Variants in CPNE4 observed in about 807,000 individuals in gnomAD.
The protein encoded by CPNE4 is copine-4.
CPNE4 carries 25 observed loss-of-function variants against 67.9 expected under a neutral mutation model. The observed-to-expected ratio is 0.37, with a 90% CI of 0.27 to 0.51. The LOEUF (loss-of-function observed/expected upper bound fraction) is 0.51. CPNE4 is among the 20% of genes least tolerant of loss of function. CPNE4 has a pLI of 0.93. For missense variants in CPNE4, 464 were observed against 690.8 expected, an observed-to-expected ratio of 0.67 and a Z score of 3.68; for synonymous variants, 242 against 244.9, an observed-to-expected ratio of 0.99 and a Z score of 0.11.
intron 7 of CPNE4, among the ~76,000 whole-genome samples, chr3:131,666,126 C>T (rs1206249882): frequency 6.6e-6 from 1 of 151,846 alleles, no homozygotes; most frequent in African/African-American, 2.4e-5. Context: ...AAATATGCTA[C>T]AAAACGTAGC....
intron 2 of CPNE4, among the ~76,000 whole-genome samples, chr3:131,792,731 ACG>A (rs2083798123): frequency 7.7e-6 from 1 of 130,350 alleles, no homozygotes; most frequent in Non-Finnish European, 1.7e-5. Flanking sequence ...ATATATATAC[ACG>A]TGTGTATATA....
intron 15 of CPNE4, among the ~76,000 whole-genome samples, chr3:131,535,985 T>C (rs1935122298): frequency 6.6e-6 from 1 of 152,168 alleles, no homozygotes; most frequent in Non-Finnish European, 1.5e-5. Flanking sequence ...GAGGTGGCTT[T>C]TAAGCTGAGC....
chr3:131,911,665 T>C (rs558834640), intron 1 of CPNE4, among the ~76,000 whole-genome samples: 1 of 151,878 alleles, frequency 6.6e-6, no homozygotes, highest in African/African-American at 2.4e-5. Context: ...ATTTCTGGTC[T>C]GGTGATGAAG....
chr3:131,552,336 T>C (rs994967), intron 13 of CPNE4, 104 bp downstream of exon 13: 219,718 of 931,408 alleles, frequency 0.24, 33,027 homozygotes, highest in African/African-American at 0.68. Flanking sequence ...AGAGATTCTG[T>C]GGACAATCGT....
Position 131,564,270 on chromosome 3 carries a change from T to C in CPNE4, c.1007A>G (p.Asn336Ser), listed in dbSNP as rs1191435764. The C allele has an allele frequency of 1.9e-6, 3 of 1,612,936 alleles. No individual in the cohort carries two copies. Among genetic ancestry groups the C allele is most frequent in the South Asian group, 1.1e-5 (1 of 91,062 alleles). Residue 336 changes from asparagine (N) to serine (S), a missense_variant, in exon 11 of 16, where the codon AAT becomes AGT. This residue lies in a region of CPNE4 where 201 missense variants were observed against 357.7 expected (regional missense o/e 0.56). Transcript: ENST00000429747. Reference protein sequence around the residue: ...SLHYIHPYQPNEYLKALVAVG... With the variant: ...SLHYIHPYQPSEYLKALVAVG... The stretch of plus-strand genomic sequence containing the variant: ...AGCTACCAAAGCTTTCAGATACTCA[T>C]TGGGTTGGTAAGGGTGGATGTAGTG...
chr3:131,682,742 C>A (rs1464191631), intron 6 of CPNE4, among the ~76,000 whole-genome samples: 1 of 152,038 alleles, frequency 6.6e-6, no homozygotes, highest in African/African-American at 2.4e-5. Context: ...CCTCCCAGTC[C>A]CAGGCAGGTC....
intron 1 of CPNE4, among the ~76,000 whole-genome samples, chr3:131,988,822 C>G (rs1384885744): frequency 1.3e-5 from 2 of 152,086 alleles, no homozygotes; most frequent in Non-Finnish European, 2.9e-5. Flanking sequence ...ACCTCTTTTT[C>G]CATGGTCAGC....
chr3:132,006,577 T>C (rs2369357), intron 1 of CPNE4, among the ~76,000 whole-genome samples: 127,661 of 151,940 alleles, frequency 0.84, 54,695 homozygotes, highest in Non-Finnish European at 0.93. Context: ...ACTCGAAATC[T>C]TCTGTTGCCT....
chr3:131,688,479 A>G (rs547474946), intron 5 of CPNE4, among the ~76,000 whole-genome samples: 3 of 152,236 alleles, frequency 2.0e-5, no homozygotes, highest in Non-Finnish European at 4.4e-5. Flanking sequence ...TTCTACATGC[A>G]TCTTAAAAAA....
chr3:131,783,605 C>T (rs1050095104), intron 2 of CPNE4, among the ~76,000 whole-genome samples: 1 of 151,854 alleles, frequency 6.6e-6, no homozygotes, highest in African/African-American at 2.4e-5. Context: ...ATTTTTGCAG[C>T]CTGGTTGTAT....
chr3:131,811,485 G>T (rs574283077), intron 2 of CPNE4, among the ~76,000 whole-genome samples: 28 of 152,214 alleles, frequency 1.8e-4, no homozygotes, highest in Admixed American at 1.8e-3. Flanking sequence ...ACAACTCAGT[G>T]AATGGCTTTG....
intron 7 of CPNE4, among the ~76,000 whole-genome samples, chr3:131,659,688 T>C (rs997139535): frequency 3.9e-4 from 59 of 152,324 alleles, no homozygotes; most frequent in African/African-American, 1.3e-3. Flanking sequence ...GTACCATCTC[T>C]TTTGGCCTCT....
chr3:131,619,563 A>G (rs1940350876), intron 7 of CPNE4, among the ~76,000 whole-genome samples: 1 of 152,222 alleles, frequency 6.6e-6, no homozygotes. Context: ...TTCATTTTAC[A>G]GGATCAGAGT....
chr3:132,031,413 C>T (rs1218878997), intron 1 of CPNE4, among the ~76,000 whole-genome samples: 7 of 152,182 alleles, frequency 4.6e-5, no homozygotes, highest in South Asian at 4.1e-4. Flanking sequence ...TCAAAGTGCA[C>T]GGAATACAGA....
intron 1 of CPNE4, among the ~76,000 whole-genome samples, chr3:131,957,852 T>A (rs2072022237): frequency 6.6e-6 from 1 of 152,188 alleles, no homozygotes. Flanking sequence ...TAATTAAAGT[T>A]GAGGCAAAAC....
chr3:131,855,522 TC>T (rs1437541647), intron 2 of CPNE4, among the ~76,000 whole-genome samples: 1 of 152,156 alleles, frequency 6.6e-6, no homozygotes, highest in East Asian at 1.9e-4. Flanking sequence ...GAAGGTGGCT[TC>T]AGATTTTGCT....
In CPNE4 at chr3:131,934,004, G is replaced by C. The variant is rs1434914596; in HGVS notation, c.-1-28560C>G. Among the ~76,000 whole-genome samples, 5 of 152,248 alleles carry C rather than the reference G, an allele frequency of 3.3e-5. No individual in the cohort carries two copies. The East Asian group carries it at 9.6e-4, about 29-fold the overall frequency. ...AAGTGGTTATGTGAATAGAACATGA[G>C]AGAGATGAAAAAATATGCCTACGTT... On this transcript the variant is annotated intron_variant, in intron 1 of 15. Transcript: ENST00000429747.
At chr3:131,856,337 C>A (rs72989535) in intron 2 of CPNE4, among the ~76,000 whole-genome samples, 48,513 of 151,584 alleles carry the variant, frequency 0.32, 8,296 homozygotes, top group African/African-American at 0.42. Flanking sequence ...CTGCCTCAGC[C>A]TCCCAAAGTG....
In CPNE4 at chr3:131,845,081, G is replaced by A. The variant is rs1030325735; in HGVS notation, c.180+60183C>T. On this transcript the variant is annotated intron_variant, in intron 2 of 15. Coordinates refer to ENST00000429747, the MANE Select transcript of CPNE4 (RefSeq NM_130808.3). ...ATGACTTGTGAAATCACCTAACAAAGTGAAAAATAGACTCAAAGTTTTGAT... is the reference window on the plus strand; with the variant it reads ...ATGACTTGTGAAATCACCTAACAAAATGAAAAATAGACTCAAAGTTTTGAT... 3.1e-4 allele frequency among the ~76,000 whole-genome samples: 47 copies of A among 152,262 alleles called. 1 individual carries two copies. Among genetic ancestry groups the A allele is most frequent in the African/African-American group, 1.1e-3 (46 of 41,552 alleles).
Sources: allele counts gnomAD v4.1 joint callset (sites outside exome capture counted in the v4.1 genomes callset), GRCh38; gene constraint gnomAD v4.1.1; regional missense constraint gnomAD v4.1.1; transcripts MANE v1.5; gene names NCBI Gene and HGNC (gene_info 2026-07-23, HGNC 2026-07-21).